Variants in ACSS3 observed in about 807,000 individuals in gnomAD.
ACSS3 encodes acyl-CoA synthetase short chain family member 3.
In ACSS3, 64 loss-of-function variants were observed where a neutral mutation model predicts 84.2. The ratio of observed to expected loss-of-function variants is 0.76; its 90% CI spans 0.62 to 0.94. The LOEUF is 0.94. Ranked by LOEUF, ACSS3 falls within the 40% of genes least tolerant of loss-of-function variation. The probability of loss-of-function intolerance (pLI) is 0.00; values close to 1 mark genes in which losing one functional copy is unlikely to be tolerated. For missense variants in ACSS3, 815 were observed against 867.6 expected, an observed-to-expected ratio of 0.94 and a Z score of 0.76; for synonymous variants, 317 against 310.1, an observed-to-expected ratio of 1.02 and a Z score of -0.23.
At chr12:81,187,420 G>A (rs2031329252) in intron 8 of ACSS3, among the ~76,000 whole-genome samples, 1 of 151,854 alleles carries the variant, frequency 6.6e-6, no homozygotes, top group Non-Finnish European at 1.5e-5. Context: ...AGCTCTTAGA[G>A]ATACCTATGT....
In ACSS3 at chr12:81,259,564, C is replaced by T; in HGVS notation, c.*4642C>T. Reference sequence around the variant, plus strand: ...TTCAGCTTTTAATAAGTCATGACGTCATTATTTCCTTAGAATTCAGTTTTC... The same window carrying T: ...TTCAGCTTTTAATAAGTCATGACGTTATTATTTCCTTAGAATTCAGTTTTC... On this transcript the variant is annotated 3_prime_UTR_variant, in exon 16 of 16. Coordinates refer to ENST00000548058, the MANE Select transcript of ACSS3 (RefSeq NM_024560.4). 1 of 1,423,840 alleles carries T rather than the reference C, an allele frequency of 7.0e-7. No individual in the cohort carries two copies. The highest frequency in any genetic ancestry group is 9.6e-7 in the Non-Finnish European group (1 of 1,047,076). The allele number at this position is 1,423,840 out of a possible 1,614,324, so 88.2% of individuals were successfully genotyped here.
At chr12:81,156,209 C>CCA (rs34147790) in intron 7 of ACSS3, among the ~76,000 whole-genome samples, 8,438 of 146,990 alleles carry the variant, frequency 0.057, 283 homozygotes, top group Middle Eastern at 0.11. Flanking sequence ...CACACACACC[C>CCA]CACACACACA....
chr12:81,116,950 G>A (rs1054082923), intron 2 of ACSS3, among the ~76,000 whole-genome samples: 4 of 152,178 alleles, frequency 2.6e-5, no homozygotes, highest in Middle Eastern at 3.4e-3. Context: ...GAAGGTCTGT[G>A]TGCTGTCTCA....
At chr12:81,159,394 A>G (rs1887038817) in intron 7 of ACSS3, among the ~76,000 whole-genome samples, 3 of 152,196 alleles carry the variant, frequency 2.0e-5, no homozygotes, top group Non-Finnish European at 2.9e-5. Context: ...AAGTCAGGAT[A>G]TATGTTTTAT....
intron 4 of ACSS3, among the ~76,000 whole-genome samples, chr12:81,140,836 C>T (rs2178534): frequency 0.31 from 47,422 of 151,998 alleles, 7,677 homozygotes; most frequent in Admixed American, 0.44. Context: ...CATATACTTA[C>T]AGTATATAAG....
intron 7 of ACSS3, among the ~76,000 whole-genome samples, chr12:81,169,095 T>C (rs958933096): frequency 6.6e-6 from 1 of 152,140 alleles, no homozygotes; most frequent in African/African-American, 2.4e-5. Context: ...CCCAAGAAGT[T>C]CTACTGTATA....
At chr12:81,159,226 T>C (rs1273086953) in intron 7 of ACSS3, among the ~76,000 whole-genome samples, 1 of 152,022 alleles carries the variant, frequency 6.6e-6, no homozygotes, top group Non-Finnish European at 1.5e-5. Context: ...TAGTTTATTT[T>C]CTGAGAGGGA....
chr12:81,162,044 A>G (rs1427989203), intron 7 of ACSS3, among the ~76,000 whole-genome samples: 2 of 151,922 alleles, frequency 1.3e-5, no homozygotes, highest in Non-Finnish European at 1.5e-5. Flanking sequence ...CCTTCTTGTC[A>G]CCCATAACAT....
At chr12:81,112,812 A>G (rs1419671694) in intron 2 of ACSS3, among the ~76,000 whole-genome samples, 1 of 152,180 alleles carries the variant, frequency 6.6e-6, no homozygotes, top group East Asian at 1.9e-4. Flanking sequence ...TTCTACCAGA[A>G]GTTTCTGGCT....
intron 9 of ACSS3, 32 bp from the exon 10 acceptor site, chr12:81,216,869 C>T: frequency 6.4e-7 from 1 of 1,558,670 alleles, no homozygotes; most frequent in South Asian, 1.1e-5. Context: ...CAAGTTAAAA[C>T]ATGAAGTGAT....
intron 2 of ACSS3, among the ~76,000 whole-genome samples, chr12:81,116,201 TG>T (rs1307956971): frequency 6.6e-6 from 1 of 152,128 alleles, no homozygotes; most frequent in Admixed American, 6.6e-5. Flanking sequence ...AAATTGTAAC[TG>T]GAACTTTGGT....
In ACSS3 at chr12:81,200,909, A is replaced by AAAAG. The variant is rs1008930640; in HGVS notation, c.1354+1481_1354+1484dup. ...ACTGTCAAAAAAAAAAAAAAAAAGA[A>AAAAG]AAAGAAAGAAAGAAAGAAAAAAATG... is the stretch of plus-strand genomic sequence containing the variant. On this transcript the variant is annotated intron_variant, in intron 9 of 15. Transcript: ENST00000548058. Among the ~76,000 whole-genome samples the AAAAG allele has an allele frequency of 1.2e-3, 177 of 151,488 alleles. 2 individuals carry two copies. Among genetic ancestry groups the AAAAG allele is most frequent in the Non-Finnish European group, 7.4e-4 (50 of 67,890 alleles).
At chr12:81,227,398 T>C (rs1282365614) in intron 11 of ACSS3, among the ~76,000 whole-genome samples, 3 of 148,588 alleles carry the variant, frequency 2.0e-5, no homozygotes, top group Non-Finnish European at 4.5e-5. Flanking sequence ...GAGGACTATT[T>C]ACACACACAC....
rs1238319170 is a variant in ACSS3 at position 81,250,208 on chromosome 12, G to A, written c.1720-3099G>A. 3.3e-5 allele frequency among the ~76,000 whole-genome samples: 5 copies of A among 151,964 alleles called. No homozygotes were observed. In the East Asian group the frequency reaches 5.8e-4, roughly 18 times the overall value. ...GAATGTTGCCAAGACATATTTCAAC[G>A]CTTTCCCTTTTAATGATTCAGTTGT... On this transcript the variant is annotated intron_variant, in intron 13 of 15. Coordinates refer to ENST00000548058, the MANE Select transcript of ACSS3 (RefSeq NM_024560.4).
chr12:81,206,365 A>G (rs997428883), intron 9 of ACSS3, among the ~76,000 whole-genome samples: 5 of 152,126 alleles, frequency 3.3e-5, no homozygotes, highest in African/African-American at 1.2e-4. Flanking sequence ...TACCCAGGAG[A>G]TACCCTAGGC....
chr12:81,259,542 A>T lies in ACSS3; in HGVS notation c.*4620A>T. The T allele has an allele frequency of 7.9e-7, 1 of 1,260,172 alleles. No individual in the cohort carries two copies. Among genetic ancestry groups the T allele is most frequent in the Non-Finnish European group, 1.1e-6 (1 of 907,704 alleles). The allele number at this position is 1,260,172 out of a possible 1,614,324, so 78.1% of individuals were successfully genotyped here. ...ACTCCCCCCAAAAATCACATTTTTC[A>T]GCTTTTAATAAGTCATGACGTCATT... On this transcript the variant is annotated 3_prime_UTR_variant, in exon 16 of 16. Coordinates refer to ENST00000548058, the MANE Select transcript of ACSS3 (RefSeq NM_024560.4).
chr12:81,090,748 A>G (rs1023817982), intron 1 of ACSS3, among the ~76,000 whole-genome samples: 1 of 151,996 alleles, frequency 6.6e-6, no homozygotes, highest in Non-Finnish European at 1.5e-5. Context: ...AGTAGAGGAT[A>G]TTTTATAATC....
chr12:81,235,827 A>G (rs2033614338), intron 13 of ACSS3, among the ~76,000 whole-genome samples: 1 of 151,494 alleles, frequency 6.6e-6, no homozygotes, highest in South Asian at 2.1e-4. Context: ...TATGTAACCT[A>G]TGATCTTGTT....
rs143707318 is a variant in ACSS3, at chr12:81,238,270, T to C, written c.1719+4799T>C. On this transcript the variant is annotated intron_variant, in intron 13 of 15. Coordinates refer to ENST00000548058, the MANE Select transcript of ACSS3 (RefSeq NM_024560.4). ...GCATCTATGCTCATGATGGCCTCTG[T>C]CAATAGTTTTTTTTAATTGTCTTAT... 2.1e-3 allele frequency among the ~76,000 whole-genome samples: 301 copies of C among 145,644 alleles called. 2 individuals are homozygous for C. Among genetic ancestry groups the C allele is most frequent in the African/African-American group, 7.0e-3 (284 of 40,588 alleles).
Sources: allele counts gnomAD v4.1 joint callset (sites outside exome capture counted in the v4.1 genomes callset), GRCh38; gene constraint gnomAD v4.1.1; transcripts MANE v1.5; gene names NCBI Gene and HGNC (gene_info 2026-07-23, HGNC 2026-07-21).